Variants in NFS1 observed in about 807,000 individuals in gnomAD.
NFS1 encodes the protein cysteine desulfurase.
In NFS1, 26 loss-of-function variants were observed where a neutral mutation model predicts 57.3. That is an observed-to-expected ratio of 0.45 (90% confidence interval 0.33 to 0.63). NFS1 has a LOEUF of 0.63. Among genes scored for constraint, NFS1 ranks in the 20% least tolerant of loss-of-function variants. The pLI is 0.02. For missense variants in NFS1, 505 were observed against 605.8 expected (o/e 0.83, Z 1.75); for synonymous variants, 209 against 216.3 (o/e 0.97, Z 0.30).
chr20:35,690,832 GC>G (rs2035028923), intron 4 of NFS1, among the ~76,000 whole-genome samples: 1 of 152,128 alleles, frequency 6.6e-6, no homozygotes, highest in Non-Finnish European at 1.5e-5. Context: ...CCATACTTCT[GC>G]CCAGTCAAAT....
intron 7 of NFS1, 59 bp from the exon 8 acceptor site, chr20:35,675,261 A>G (rs2034722458): frequency 6.8e-7 from 1 of 1,476,834 alleles, no homozygotes; most frequent in African/African-American, 1.4e-5. Flanking sequence ...AAAACAAAAT[A>G]TTTCTTTCCA....
intron 7 of NFS1, among the ~76,000 whole-genome samples, chr20:35,677,055 C>T (rs977908791): frequency 2.6e-5 from 4 of 152,120 alleles, no homozygotes; most frequent in South Asian, 2.1e-4. Flanking sequence ...TTAGTACAGA[C>T]GGGGTTTCAC....
intron 5 of NFS1, 65 bp downstream of exon 5, chr20:35,690,348 G>A: frequency 6.6e-7 from 1 of 1,523,660 alleles, no homozygotes; most frequent in Non-Finnish European, 9.0e-7. Context: ...GGGCCCAAGA[G>A]AGAAATTTAC....
intron 5 of NFS1, among the ~76,000 whole-genome samples, chr20:35,689,653 C>T (rs1233200051): frequency 6.6e-6 from 1 of 151,976 alleles, no homozygotes; most frequent in Non-Finnish European, 1.5e-5. Context: ...GCCTGTAATC[C>T]CAGCTACTTG....
At chr20:35,692,685 T>C (rs2035065594) in intron 4 of NFS1, among the ~76,000 whole-genome samples, 1 of 149,356 alleles carries the variant, frequency 6.7e-6, no homozygotes, top group South Asian at 2.1e-4. Context: ...AGATCAAGAC[T>C]CTGTCTCAAA....
At chr20:35,677,825 T>C (rs557519477) in intron 7 of NFS1, among the ~76,000 whole-genome samples, 2 of 152,284 alleles carry the variant, frequency 1.3e-5, no homozygotes, top group South Asian at 2.1e-4. Context: ...TCCCAGCACT[T>C]TGGGAGACTG....
chr20:35,691,277 T>G (rs889463479), intron 4 of NFS1, among the ~76,000 whole-genome samples: 2 of 152,156 alleles, frequency 1.3e-5, no homozygotes, highest in African/African-American at 4.8e-5. Flanking sequence ...AACCAATATT[T>G]AGCACCTCCA....
intron 4 of NFS1, chr20:35,692,420 G>T: frequency 5.9e-6 from 1 of 168,732 alleles, no homozygotes; most frequent in Non-Finnish European, 1.2e-5. Context: ...AAGGGGGCTG[G>T]ATGTGGTGGT....
At chr20:35,683,675 G>C (rs539285481) in intron 5 of NFS1, among the ~76,000 whole-genome samples, 1 of 151,390 alleles carries the variant, frequency 6.6e-6, no homozygotes, top group Admixed American at 6.6e-5. Context: ...CAAGCTACTA[G>C]GGAGGCTGAG....
chr20:35,678,293 T>G (rs557548950), intron 7 of NFS1, among the ~76,000 whole-genome samples: 8 of 151,812 alleles, frequency 5.3e-5, no homozygotes, highest in Admixed American at 2.6e-4. Flanking sequence ...AGGCGGAGCT[T>G]GCAGTGAGCC....
At chr20:35,694,016 C>A (rs1181756475) in intron 4 of NFS1, among the ~76,000 whole-genome samples, 1 of 152,002 alleles carries the variant, frequency 6.6e-6, no homozygotes, top group African/African-American at 2.4e-5. Context: ...CGTGCTAGTA[C>A]ACGCCTGTAA....
intron 4 of NFS1, among the ~76,000 whole-genome samples, 195 bp downstream of exon 4, chr20:35,696,182 C>T (rs1185260778): frequency 6.6e-6 from 1 of 151,926 alleles, no homozygotes; most frequent in Admixed American, 6.6e-5. Context: ...CTCAGACCAA[C>T]AGCAGCAAAG....
At chr20:35,695,959 G>C (rs2035126040) in intron 4 of NFS1, among the ~76,000 whole-genome samples, 1 of 152,058 alleles carries the variant, frequency 6.6e-6, no homozygotes, top group Non-Finnish European at 1.5e-5. Context: ...AGAATCACTT[G>C]AACCTGGGAG....
At chr20:35,676,781 AAAAAC>A (rs1357371580) in intron 7 of NFS1, among the ~76,000 whole-genome samples, 7,768 of 137,036 alleles carry the variant, frequency 0.057, 263 homozygotes, top group South Asian at 0.073. Context: ...AAAAAAAAAA[AAAAAC>A]CAAGAAAGAA....
At chr20:35,698,647 G>T in intron 1 of NFS1, 57 bp from the exon 2 acceptor site, 1 of 1,519,622 alleles carries the variant, frequency 6.6e-7, no homozygotes, top group Non-Finnish European at 8.9e-7. Flanking sequence ...ATGAACGCAT[G>T]GCATCCAAAG....
At chr20:35,671,124 G>C (rs999249029) in intron 12 of NFS1, among the ~76,000 whole-genome samples, 2 of 152,192 alleles carry the variant, frequency 1.3e-5, no homozygotes, top group Admixed American at 6.5e-5. Context: ...GATTGATTGA[G>C]ACAGAGTCTT....
intron 5 of NFS1, among the ~76,000 whole-genome samples, chr20:35,684,099 G>A (rs372958120): frequency 6.6e-5 from 10 of 151,218 alleles, no homozygotes; most frequent in Non-Finnish European, 1.3e-4. Flanking sequence ...GGCGACCAGA[G>A]CAAAACTCTG....
chr20:35,696,536 C>T lies in NFS1; in HGVS notation c.325-76G>A, dbSNP rs1433166360. Reference sequence around the variant, plus strand: ...AGAGCTGCAGACACAGGTGGGACAGCCCTGGAGCAAGAAGAGCTCCACTGC... The same window carrying T: ...AGAGCTGCAGACACAGGTGGGACAGTCCTGGAGCAAGAAGAGCTCCACTGC... On this transcript the variant is annotated intron_variant, in intron 3 of 12. Coordinates refer to ENST00000374092, the MANE Select transcript of NFS1 (RefSeq NM_021100.5). 13 of 1,117,106 alleles carry T rather than the reference C, an allele frequency of 1.2e-5. No homozygotes were observed. The East Asian group carries it at 3.1e-4, about 26-fold the overall frequency. The allele number at this position is 1,117,106 out of a possible 1,614,324, so 69.2% of individuals were successfully genotyped here.
At chr20:35,697,139 ACAAAAATATTAGCTAGG>A (rs2035148799) in intron 3 of NFS1, among the ~76,000 whole-genome samples, 1 of 151,536 alleles carries the variant, frequency 6.6e-6, no homozygotes, top group Non-Finnish European at 1.5e-5. Flanking sequence ...AAATAAAAAT[ACAAAAATATTAGCTAGG>A]CATGGTGGCG....
Sources: gnomAD v4.1 joint callset for allele counts (sites outside exome capture counted in the v4.1 genomes callset) on GRCh38, gnomAD v4.1.1 for gene constraint, MANE v1.5 for transcripts, NCBI Gene and HGNC (gene_info 2026-07-23, HGNC 2026-07-21) for gene names.